The following CCDC138 variants were observed in gnomAD, a reference collection of about 807,000 sequenced individuals.
The protein encoded by CCDC138 is coiled-coil domain-containing protein 138.
A neutral mutation model predicts 82.3 loss-of-function variants in CCDC138; 66 were observed. That is an observed-to-expected ratio of 0.80 (90% CI 0.66 to 0.98). The LOEUF (loss-of-function observed/expected upper bound fraction) is 0.98, where lower values mean the gene tolerates loss of function less well. CCDC138 is among the 50% of genes least tolerant of loss of function. CCDC138 has a pLI of 0.00. For missense variants in CCDC138, 816 were observed against 758.9 expected, an observed-to-expected ratio of 1.08 and a Z score of -0.88; for synonymous variants, 297 against 265.4, an observed-to-expected ratio of 1.12 and a Z score of -1.16.
At chr2:108,884,614 A>G (rs1370854968) in intron 2 of CCDC138, 1 of 152,220 alleles carries the variant, frequency 6.6e-6, no homozygotes, top group Non-Finnish European at 1.5e-5. Flanking sequence ...AGCTCCACAT[A>G]ATAAACATCA....
Position 108,846,925 on chromosome 2 carries a change from C to T in CCDC138, c.1511C>T (p.Thr504Ile), listed in dbSNP as rs1459247069. Residue 504 changes from threonine to isoleucine, a missense_variant, in exon 12 of 15, where the codon ACT becomes ATT. Transcript: ENST00000295124. ...LSTLIVLKTV[T>I]QADYLAQAFD... ...ACCTTAATTGTTCTCAAAACAGTCA[C>T]TCAAGGTAAGCTTTCAATTGTACTT... The T allele has an allele frequency of 7.0e-6, 11 of 1,573,988 alleles. No individual in the cohort carries two copies. Among genetic ancestry groups the T allele is most frequent in the Non-Finnish European group, 9.6e-6 (11 of 1,146,708 alleles).
intron 11 of CCDC138, among the ~76,000 whole-genome samples, chr2:108,840,070 C>T (rs568402916): frequency 7.2e-5 from 11 of 152,076 alleles, no homozygotes; most frequent in East Asian, 1.9e-4. Flanking sequence ...AATCATGAAT[C>T]GTGTTGAATT....
At chr2:108,814,997 G>A (rs935329213) in intron 9 of CCDC138, among the ~76,000 whole-genome samples, 3 of 151,766 alleles carry the variant, frequency 2.0e-5, no homozygotes, top group East Asian at 3.9e-4. Flanking sequence ...ATGTGTAGTG[G>A]TATCTTATTA....
intron 7 of CCDC138, 73 bp from the exon 8 acceptor site, chr2:108,812,558 T>G: frequency 9.4e-7 from 1 of 1,065,604 alleles, no homozygotes; most frequent in South Asian, 1.3e-5. Context: ...GATTAGATAG[T>G]AGATTGGGAA....
At position 108,788,730 on chromosome 2, in the gene CCDC138, A is replaced by G. The variant is rs1573892255; in HGVS notation, c.152-122A>G. ...GCGAGACTCCGTCTCAAAGAAAAAA[A>G]AAGAAAAAAAAATTTGAGAGAGAAG... On this transcript the variant is annotated intron_variant, in intron 2 of 14. Coordinates refer to ENST00000295124, the MANE Select transcript of CCDC138 (RefSeq NM_144978.3). The G allele has an allele frequency of 9.3e-6, 13 of 1,401,978 alleles. No homozygotes were observed. In the East Asian group the frequency reaches 3.3e-4, roughly 36 times the overall value. The allele number at this position is 1,401,978 out of a possible 1,614,324, so 86.8% of individuals were successfully genotyped here.
intron 4 of CCDC138, 48 bp from the exon 5 acceptor site, chr2:108,794,492 A>G: frequency 6.6e-7 from 1 of 1,508,372 alleles, no homozygotes; most frequent in Non-Finnish European, 9.0e-7. Flanking sequence ...GAATATTTGA[A>G]ACAATAAGTT....
Position 108,786,869 on chromosome 2 carries a change from A to T in CCDC138, c.47A>T (p.Glu16Val), listed in dbSNP as rs1311266862. 2.5e-6 allele frequency: 4 copies of T among 1,583,848 alleles called. 1 individual carries two copies. In the South Asian group the frequency reaches 3.4e-5, roughly 14 times the overall value. The change falls in exon 1 of 15, where the codon GAG (glutamate) becomes GTG (valine). Residue 16 changes from glutamate (E) to valine (V), a missense_variant. By Grantham distance (121) the Glu-to-Val change is moderately radical (BLOSUM62 -2). Coordinates refer to ENST00000295124, the MANE Select transcript of CCDC138 (RefSeq NM_144978.3). ...CCACCGGGGCAGGATTTAGTAGTGG[A>T]GAGTCTCAAAAGCCGCTACGGACTC... ...VKPPGQDLVV[E>V]SLKSRYGLGG...
intron 10 of CCDC138, among the ~76,000 whole-genome samples, chr2:108,835,979 A>G (rs997145868): frequency 1.3e-5 from 2 of 152,178 alleles, no homozygotes; most frequent in Middle Eastern, 3.2e-3. Context: ...GGAGAAAGGG[A>G]GCCCAGTCCC....
intron 10 of CCDC138, among the ~76,000 whole-genome samples, chr2:108,834,157 A>G (rs1465852465): frequency 2.0e-5 from 3 of 150,892 alleles, no homozygotes; most frequent in Non-Finnish European, 2.9e-5. Context: ...AATCAATTGC[A>G]TATTTTTATC....
At chr2:108,859,743 A>G (rs1451488101) in intron 13 of CCDC138, among the ~76,000 whole-genome samples, 1 of 152,060 alleles carries the variant, frequency 6.6e-6, no homozygotes, top group African/African-American at 2.4e-5. Context: ...TGATGCTTCC[A>G]GCTTTGTTCT....
chr2:108,863,627 T>G (rs766083944), intron 13 of CCDC138, among the ~76,000 whole-genome samples: 3 of 152,244 alleles, frequency 2.0e-5, no homozygotes, highest in Admixed American at 6.5e-5. Flanking sequence ...TTAGGAGCTT[T>G]TAAATATATT....
Position 108,810,474 on chromosome 2 carries a change from T to A in CCDC138, c.856-2157T>A, listed in dbSNP as rs139172554. On this transcript the variant is annotated intron_variant, in intron 7 of 14. Transcript: ENST00000295124. ...AAACGTGATTATCACATTTTTTTAT[T>A]TGCATATTTGAGCCTTCCTGTGTCC... Among the ~76,000 whole-genome samples, 285 of 152,362 alleles carry A rather than the reference T, an allele frequency of 1.9e-3. 3 individuals carry two copies. The highest frequency in any genetic ancestry group is 6.6e-3 in the African/African-American group (276 of 41,586).
intron 13 of CCDC138, among the ~76,000 whole-genome samples, chr2:108,870,105 A>C (rs910834603): frequency 6.6e-6 from 1 of 152,242 alleles, no homozygotes; most frequent in Non-Finnish European, 1.5e-5. Flanking sequence ...TCAATGAGTT[A>C]ATGAGAAATA....
At position 108,860,049 on chromosome 2, in the gene CCDC138, G is replaced by T. The variant is rs112000963; in HGVS notation, c.1693+3079G>T. On this transcript the variant is annotated intron_variant, in intron 13 of 14. Transcript: ENST00000295124. ...GGTTAGATGTATTCCTAAGTATCTTGTGTGTGTGTGGCTGTTGTAAATAGG... is the reference window on the plus strand; with the variant it reads ...GGTTAGATGTATTCCTAAGTATCTTTTGTGTGTGTGGCTGTTGTAAATAGG... Among the ~76,000 whole-genome samples the T allele has an allele frequency of 1.4e-3, 219 of 151,732 alleles. 3 individuals are homozygous for T. The highest frequency in any genetic ancestry group is 5.0e-3 in the African/African-American group (208 of 41,420).
chr2:108,805,691 C>T (rs986352213), intron 7 of CCDC138, among the ~76,000 whole-genome samples: 6 of 151,702 alleles, frequency 4.0e-5, no homozygotes, highest in African/African-American at 1.5e-4. Context: ...TGTGCCACTG[C>T]ACTCCAGCCT....
rs926363987 is a variant in CCDC138 at position 108,823,606 on chromosome 2, G to A, written c.1206+7501G>A. On this transcript the variant is annotated intron_variant, in intron 10 of 14. Transcript: ENST00000295124. ...AGCATTTGCTATGCAGAATATCTTA[G>A]GCAGTTGTAACACAATGTGAAGTAT... 2.0e-5 allele frequency among the ~76,000 whole-genome samples: 3 copies of A among 152,204 alleles called. No individual in the cohort carries two copies. In the East Asian group the frequency reaches 5.8e-4, roughly 29 times the overall value.
At chr2:108,799,623 T>C (rs1681562416) in intron 6 of CCDC138, among the ~76,000 whole-genome samples, 1 of 152,238 alleles carries the variant, frequency 6.6e-6, no homozygotes, top group Non-Finnish European at 1.5e-5. Flanking sequence ...TTCTTTCAGT[T>C]TGTTCTGTTT....
intron 14 of CCDC138, 31 bp downstream of exon 14, chr2:108,873,620 T>A: frequency 6.8e-7 from 1 of 1,468,338 alleles, no homozygotes; most frequent in Non-Finnish European, 9.4e-7. Context: ...ACATTTTTTA[T>A]TGAAAAATAC....
chr2:108,842,681 G>A lies in CCDC138; in HGVS notation c.1323+3380G>A, dbSNP rs548963738. 2.6e-5 allele frequency among the ~76,000 whole-genome samples: 4 copies of A among 152,272 alleles called. No homozygotes were observed. The South Asian group carries it at 8.3e-4, about 32-fold the overall frequency. ...GGTCATTAGGGAGGAGTTGTCTAAGGCAGATATCTGAATCAAACATATTTA... is the reference window on the plus strand; with the variant it reads ...GGTCATTAGGGAGGAGTTGTCTAAGACAGATATCTGAATCAAACATATTTA... On this transcript the variant is annotated intron_variant, in intron 11 of 14. Transcript: ENST00000295124.
Sources: gnomAD v4.1 joint callset for allele counts (sites outside exome capture counted in the v4.1 genomes callset) on GRCh38, gnomAD v4.1.1 for gene constraint, MANE v1.5 for transcripts, NCBI Gene and HGNC (gene_info 2026-07-23, HGNC 2026-07-21) for gene names.